The following F11 variants were observed in gnomAD, a reference collection of about 807,000 sequenced individuals.
The protein encoded by F11 is coagulation factor XI, also known as coagualtion factor XI.
In F11, 78 loss-of-function variants were observed where a neutral mutation model predicts 76.5. The ratio of observed to expected loss-of-function variants is 1.02; its 90% CI spans 0.85 to 1.23. The LOEUF (loss-of-function observed/expected upper bound fraction) is 1.23. Among genes scored for constraint, F11 ranks in the 50% most tolerant of loss-of-function variants. F11 has a pLI of 0.00. For synonymous variants in F11, 278 were observed against 276.3 expected (o/e 1.01, Z -0.06); for missense variants, 742 against 771.4 (o/e 0.96, Z 0.45).
intron 2 of F11, among the ~76,000 whole-genome samples, chr4:186,268,448 T>G (rs1056107387): frequency 1.3e-5 from 2 of 152,164 alleles, no homozygotes; most frequent in African/African-American, 4.8e-5. Context: ...ATGGAACATT[T>G]ACAAATATTG....
intron 6 of F11, 139 bp downstream of exon 6, chr4:186,276,035 T>C: frequency 1.1e-6 from 1 of 931,876 alleles, no homozygotes; most frequent in Non-Finnish European, 1.7e-6. Context: ...ATAGATTTCA[T>C]CATGTCCTAT....
At chr4:186,282,288 TA>T (rs1273328111) in intron 10 of F11, 78 of 985,328 alleles carry the variant, frequency 7.9e-5, no homozygotes, top group Non-Finnish European at 9.3e-5. Context: ...TATAGATTGA[TA>T]GCTACAGGAG....
chr4:186,282,968 C>G, intron 10 of F11: 1 of 985,328 alleles, frequency 1.0e-6, no homozygotes, highest in Non-Finnish European at 1.2e-6. Flanking sequence ...CTTCTAGGAC[C>G]CGGCTTCTCA....
intron 2 of F11, among the ~76,000 whole-genome samples, chr4:186,268,405 T>C (rs1739664885): frequency 6.6e-6 from 1 of 152,204 alleles, no homozygotes; most frequent in African/African-American, 2.4e-5. Flanking sequence ...CAAGGAATGA[T>C]AGTGTACATA....
chr4:186,285,513 T>C (rs555792512), intron 11 of F11, 125 bp from the exon 12 acceptor site: 65 of 1,000,942 alleles, frequency 6.5e-5, no homozygotes, highest in Non-Finnish European at 8.9e-5. Flanking sequence ...AAATCACTTT[T>C]TTCTACCTAA....
At position 186,276,248 on chromosome 4, in the gene F11, T is replaced by TTCCCTAA; in HGVS notation, c.615_621dup (p.Thr208ProfsTer2). 1 of 1,614,114 alleles carries TTCCCTAA rather than the reference T, an allele frequency of 6.2e-7. No individual in the cohort carries two copies. Among genetic ancestry groups the TTCCCTAA allele is most frequent in the Non-Finnish European group, 8.5e-7 (1 of 1,180,012 alleles). ...TCGCGCAGCTTGTATTAGGGACATT[T>TTCCCTAA]TCCCTAATACGGTGTTTGCAGACAG... is the stretch of plus-strand genomic sequence containing the variant. On this transcript the variant is annotated frameshift_variant, in exon 7 of 15. Coordinates refer to ENST00000403665, the MANE Select transcript of F11 (RefSeq NM_000128.4). LOFTEE classifies it high-confidence loss of function.
At chr4:186,266,984 A>G (rs989627148) in intron 1 of F11, among the ~76,000 whole-genome samples, 152 bp from the exon 2 acceptor site, 5 of 35,250 alleles carry the variant, frequency 1.4e-4, no homozygotes, top group Non-Finnish European at 1.9e-4. Context: ...CAGGATTGGG[A>G]AAGAAAATTC....
At chr4:186,269,792 A>G (rs1739795027) in intron 2 of F11, among the ~76,000 whole-genome samples, 1 of 152,256 alleles carries the variant, frequency 6.6e-6, no homozygotes, top group African/African-American at 2.4e-5. Context: ...AATAATTTTA[A>G]ATGTTAATAT....
Position 186,278,002 on chromosome 4 carries a change from T to C in F11, c.755+1612T>C, listed in dbSNP as rs1018997019. Among the ~76,000 whole-genome samples, 8 of 152,162 alleles carry C rather than the reference T, an allele frequency of 5.3e-5. 1 individual carries two copies. The highest frequency in any genetic ancestry group is 1.0e-4 in the Non-Finnish European group (7 of 68,020). ...TTTGTAGAGACAGAGTTTCGCCATG[T>C]TGGCCAGGCTGGTCTAGAACTCCTG... On this transcript the variant is annotated intron_variant, in intron 7 of 14. Transcript: ENST00000403665.
Position 186,286,348 on chromosome 4 carries a change from A to T in F11, c.1481-67A>T. 3 of 1,336,232 alleles carry T rather than the reference A, an allele frequency of 2.2e-6. No individual in the cohort carries two copies. The South Asian group carries it at 3.5e-5, about 16-fold the overall frequency. The allele number at this position is 1,336,232 out of a possible 1,614,324, so 82.8% of individuals were successfully genotyped here. A position where few individuals can be genotyped will look rare whatever the true frequency, so the allele number is the denominator to read the frequency against. On this transcript the variant is annotated intron_variant, in intron 12 of 14. Transcript: ENST00000403665. ...AACACAGATAATGTACAGTGGAAGA[A>T]GAGTCTCTTCTGGAAAAGAGGATAT... is the stretch of plus-strand genomic sequence containing the variant.
At position 186,285,767 on chromosome 4, in the gene F11, G is replaced by C; in HGVS notation, c.1434G>C (p.Gly478=). ...IHDQYKMAES[G]YDIALLKLET... is the part of the protein sequence containing the mutation. ...ATCAGTATAAAATGGCAGAAAGCGG[G>C]TATGATATTGCCTTGTTGAAACTGG... is the stretch of plus-strand genomic sequence containing the variant. The change falls in exon 12 of 15, where the codon GGG becomes GGC. Residue 478 remains glycine, a synonymous_variant. Coordinates refer to ENST00000403665, the MANE Select transcript of F11 (RefSeq NM_000128.4). 6.2e-7 allele frequency: 1 copy of C among 1,614,172 alleles called. No individual in the cohort carries two copies. The highest frequency in any genetic ancestry group is 8.5e-7 in the Non-Finnish European group (1 of 1,180,022).
chr4:186,273,847 G>A (rs978776020), intron 4 of F11, among the ~76,000 whole-genome samples: 2 of 152,188 alleles, frequency 1.3e-5, no homozygotes, highest in African/African-American at 2.4e-5. Flanking sequence ...GTTAATTAGC[G>A]AAATAATCAG....
chr4:186,277,081 A>G, intron 7 of F11, among the ~76,000 whole-genome samples: 1 of 152,062 alleles, frequency 6.6e-6, no homozygotes. Flanking sequence ...CTGAGTCTCC[A>G]ATAGCTTTCA....
intron 2 of F11, among the ~76,000 whole-genome samples, chr4:186,270,684 G>A (rs928238614): frequency 7.2e-5 from 11 of 151,910 alleles, no homozygotes; most frequent in African/African-American, 1.7e-4. Flanking sequence ...ACGTGTGTGC[G>A]CATGTGCACA....
intron 14 of F11, 69 bp downstream of exon 14, chr4:186,287,892 T>A: frequency 6.4e-7 from 1 of 1,563,026 alleles, no homozygotes; most frequent in Non-Finnish European, 8.7e-7. Context: ...GGTTTTTTTG[T>A]TTGTTTTGTT....
At chr4:186,284,345 T>A in intron 11 of F11, 85 bp downstream of exon 11, 2 of 1,299,232 alleles carry the variant, frequency 1.5e-6, no homozygotes, top group Non-Finnish European at 2.2e-6. Flanking sequence ...ATAAATACTT[T>A]AACCAATTAG....
chr4:186,282,264 C>A (rs1183062109), intron 10 of F11: 1 of 985,108 alleles, frequency 1.0e-6, no homozygotes, highest in Admixed American at 6.2e-5. Flanking sequence ...GTAGAAGTTA[C>A]AGAATATGCC....
In F11 at chr4:186,285,797, CA is replaced by C. The variant is rs1561490982; in HGVS notation, c.1465del (p.Thr489GlnfsTer2). 1.9e-6 allele frequency: 3 copies of C among 1,614,084 alleles called. No homozygotes were observed. Among genetic ancestry groups the C allele is most frequent in the East Asian group, 2.2e-5 (1 of 44,864 alleles). ...YDIALLKLET[T>X]VNYTDSQRPI... ...ATATTGCCTTGTTGAAACTGGAAAC[CA>C]CAGTGAATTACACAGGTACGGAGAA... On this transcript the variant is annotated frameshift_variant, in exon 12 of 15. Coordinates refer to ENST00000403665, the MANE Select transcript of F11 (RefSeq NM_000128.4). LOFTEE classifies it high-confidence loss of function.
chr4:186,287,209 C>T (rs370180494), intron 13 of F11, among the ~76,000 whole-genome samples: 3 of 151,942 alleles, frequency 2.0e-5, no homozygotes, highest in Non-Finnish European at 2.9e-5. Context: ...CTCCTGACCT[C>T]GTGATCCACC....
Sources: allele counts gnomAD v4.1 joint callset (sites outside exome capture counted in the v4.1 genomes callset), GRCh38; gene constraint gnomAD v4.1.1; transcripts MANE v1.5; gene names NCBI Gene and HGNC (gene_info 2026-07-23, HGNC 2026-07-21).